The following HRH2 variants were observed in gnomAD, a reference collection of about 807,000 sequenced individuals.
HRH2 encodes the protein histamine receptor H2, also known as histamine H2 receptor.
A neutral mutation model predicts 20.1 loss-of-function variants in HRH2; 4 were observed. The ratio of observed to expected loss-of-function variants is 0.20; its 90% confidence interval spans 0.10 to 0.45. HRH2 has a LOEUF of 0.45. Among genes scored for constraint, HRH2 ranks in the 20% least tolerant of loss-of-function variants. HRH2 has a pLI of 0.99. For missense variants in HRH2, 250 were observed against 461.6 expected, an observed-to-expected ratio of 0.54 and a Z score of 4.20; for synonymous variants, 197 against 200.7, an observed-to-expected ratio of 0.98 and a Z score of 0.16.
intron 2 of HRH2, among the ~76,000 whole-genome samples, chr5:175,697,224 C>G (rs145973054): frequency 0.018 from 2,746 of 152,054 alleles, 90 homozygotes; most frequent in African/African-American, 0.062. Flanking sequence ...AGCACTTTGG[C>G]AGGCCGAGGC....
intron 1 of HRH2, among the ~76,000 whole-genome samples, chr5:175,667,212 G>A (rs561447736): frequency 4.6e-5 from 7 of 152,254 alleles, no homozygotes; most frequent in African/African-American, 1.7e-4. Flanking sequence ...GGGAGGCTGA[G>A]GCAGGCAGAT....
intron 2 of HRH2, among the ~76,000 whole-genome samples, chr5:175,705,582 T>G (rs141958401): frequency 2.0e-5 from 3 of 152,262 alleles, no homozygotes; most frequent in African/African-American, 7.2e-5. Context: ...ATGCCCAATC[T>G]TTTGTTTGTT....
At chr5:175,702,538 A>T (rs912786439) in intron 2 of HRH2, among the ~76,000 whole-genome samples, 3 of 148,740 alleles carry the variant, frequency 2.0e-5, no homozygotes, top group Non-Finnish European at 4.5e-5. Flanking sequence ...AGCAAAAAGT[A>T]TACCATCTTT....
At chr5:175,684,976 G>C (rs1225092686) in intron 2 of HRH2, among the ~76,000 whole-genome samples, 1 of 152,158 alleles carries the variant, frequency 6.6e-6, no homozygotes, top group Non-Finnish European at 1.5e-5. Flanking sequence ...AGGGCTCTGG[G>C]TACCCCTAAG....
At chr5:175,667,260 G>A (rs1274855568) in intron 1 of HRH2, among the ~76,000 whole-genome samples, 4 of 151,992 alleles carry the variant, frequency 2.6e-5, no homozygotes, top group African/African-American at 9.7e-5. Flanking sequence ...TCTGGCCAAC[G>A]TGGTGAAAAC....
At chr5:175,670,246 A>C (rs889496593) in intron 1 of HRH2, among the ~76,000 whole-genome samples, 2 of 152,170 alleles carry the variant, frequency 1.3e-5, no homozygotes, top group African/African-American at 4.8e-5. Context: ...CAGCCTGGGC[A>C]ACATAGTGAG....
chr5:175,683,134 T>C lies in HRH2; in HGVS notation c.-100T>C, dbSNP rs1437294583. On this transcript the variant is annotated 5_prime_UTR_variant, in exon 2 of 3. Coordinates refer to ENST00000636584, the MANE Select transcript of HRH2 (RefSeq NM_001367711.1). ...AAAACTGGACACATTTTGGATCTGT[T>C]GGGAGCTTGGAGTCCAGTGGTTGGC... 1 of 1,380,190 alleles carries C rather than the reference T, an allele frequency of 7.2e-7. No homozygotes were observed. The highest frequency in any genetic ancestry group is 9.8e-7 in the Non-Finnish European group (1 of 1,022,302). The allele number at this position is 1,380,190 out of a possible 1,614,324, so 85.5% of individuals were successfully genotyped here.
Position 175,683,647 on chromosome 5 carries a change from T to C in HRH2, c.414T>C (p.Ser138=). 6.2e-7 allele frequency: 1 copy of C among 1,614,162 alleles called. No individual in the cohort carries two copies. Among genetic ancestry groups the C allele is most frequent in the South Asian group, 1.1e-5 (1 of 91,080 alleles). ...VLVTPVRVAI[S]LVLIWVISIT... is the part of the protein sequence containing the mutation. ...TCACCCCAGTTCGGGTCGCCATCTC[T>C]CTGGTCTTAATTTGGGTCATCTCCA... The change falls in exon 2 of 3, where the codon TCT becomes TCC. Residue 138 remains serine (S), a synonymous_variant. Coordinates refer to ENST00000636584, the MANE Select transcript of HRH2 (RefSeq NM_001367711.1).
At position 175,683,744 on chromosome 5, in the gene HRH2, A is replaced by T. The variant is rs1445691053; in HGVS notation, c.511A>T (p.Thr171Ser). 1.2e-6 allele frequency: 2 copies of T among 1,613,876 alleles called. No homozygotes were observed. The highest frequency in any genetic ancestry group is 1.7e-6 in the Non-Finnish European group (2 of 1,180,016). The change falls in exon 2 of 3, where the codon ACC becomes TCC. Residue 171 changes from threonine to serine, a missense_variant. By Grantham distance (58) the Thr-to-Ser change is moderately conservative. Coordinates refer to ENST00000636584, the MANE Select transcript of HRH2 (RefSeq NM_001367711.1). ...CGAGACCAGCAAGGGCAATCATACC[A>T]CCTCTAAGTGCAAAGTCCAGGTCAA... ...RNETSKGNHTTSKCKVQVNEV... is the reference protein window; with the variant it reads ...RNETSKGNHTSSKCKVQVNEV...
At chr5:175,659,335 G>T (rs1169992139) in intron 1 of HRH2, among the ~76,000 whole-genome samples, 1 of 152,108 alleles carries the variant, frequency 6.6e-6, no homozygotes, top group East Asian at 1.9e-4. Context: ...GTCCCTGGAG[G>T]TTATCCAAGG....
intron 1 of HRH2, among the ~76,000 whole-genome samples, chr5:175,665,551 T>C (rs1469638150): frequency 6.6e-6 from 1 of 152,146 alleles, no homozygotes; most frequent in East Asian, 1.9e-4. Flanking sequence ...GGGTCCTGGC[T>C]ACAAGACCAC....
intron 2 of HRH2, 124 bp downstream of exon 2, chr5:175,684,433 A>T: frequency 7.4e-7 from 1 of 1,345,438 alleles, no homozygotes; most frequent in Non-Finnish European, 1.0e-6. Flanking sequence ...CTTCATGAGC[A>T]CTTTGTAAAC....
At chr5:175,678,590 G>C (rs1218717221) in intron 1 of HRH2, among the ~76,000 whole-genome samples, 1 of 152,246 alleles carries the variant, frequency 6.6e-6, no homozygotes, top group Non-Finnish European at 1.5e-5. Flanking sequence ...CACAGTGTCC[G>C]TTCTGTAGAG....
chr5:175,681,851 C>T lies in HRH2; in HGVS notation c.-525-858C>T, dbSNP rs1413990986. On this transcript the variant is annotated intron_variant, in intron 1 of 2. Coordinates refer to ENST00000636584, the MANE Select transcript of HRH2 (RefSeq NM_001367711.1). The surrounding 1 kb of genome is among the most constrained non-coding windows in gnomAD (Gnocchi z 4.3). ...TGACCTGGATGTGGGATCACGTGTT[C>T]TGCCAAGTAAGACCAGTAAGATTTA... 1.3e-5 allele frequency among the ~76,000 whole-genome samples: 2 copies of T among 152,190 alleles called. No individual in the cohort carries two copies. Among genetic ancestry groups the T allele is most frequent in the East Asian group, 1.9e-4 (1 of 5,192 alleles).
Position 175,683,467 on chromosome 5 carries a change from C to T in HRH2, c.234C>T (p.Tyr78=). ...GLLVLPFSAI[Y]QLSCKWSFGK... is the part of the protein sequence containing the mutation. Reference sequence around the variant, plus strand: ...TGGTGCTGCCCTTCTCTGCCATCTACCAGCTGTCCTGCAAGTGGAGCTTTG... The same window carrying T: ...TGGTGCTGCCCTTCTCTGCCATCTATCAGCTGTCCTGCAAGTGGAGCTTTG... The change falls in exon 2 of 3, where the codon TAC becomes TAT. Residue 78 remains tyrosine (Y), a synonymous_variant. Transcript: ENST00000636584. 3.7e-6 allele frequency: 6 copies of T among 1,614,188 alleles called. No individual in the cohort carries two copies. Among genetic ancestry groups the T allele is most frequent in the Non-Finnish European group, 5.1e-6 (6 of 1,180,036 alleles).
In HRH2 at chr5:175,687,460, G is replaced by T. The variant is rs1756211743; in HGVS notation, c.1076+3151G>T. On this transcript the variant is annotated intron_variant, in intron 2 of 2. Coordinates refer to ENST00000636584, the MANE Select transcript of HRH2 (RefSeq NM_001367711.1). The surrounding 1 kb of genome is among the most constrained non-coding windows in gnomAD (Gnocchi z 5.2). ...GGGTGGGGGCACCGTCGGCCAAGGG[G>T]TGACTCCAGAAGATAGAGTGGCCAA... Among the ~76,000 whole-genome samples, 1 of 152,190 alleles carries T rather than the reference G, an allele frequency of 6.6e-6. No homozygotes were observed. Among genetic ancestry groups the T allele is most frequent in the Non-Finnish European group, 1.5e-5 (1 of 68,032 alleles).
chr5:175,690,945 TC>T (rs1360660686), intron 2 of HRH2, among the ~76,000 whole-genome samples: 6 of 152,224 alleles, frequency 3.9e-5, no homozygotes, highest in African/African-American at 1.4e-4. Flanking sequence ...CTTTCTTCCA[TC>T]CTTTTTGCTG....
chr5:175,679,047 G>A (rs1372453624), intron 1 of HRH2, among the ~76,000 whole-genome samples: 1 of 152,164 alleles, frequency 6.6e-6, no homozygotes, highest in African/African-American at 2.4e-5. Flanking sequence ...GTGAGAGGGA[G>A]GCTGTGGCAT....
chr5:175,678,984 T>C (rs537230390), intron 1 of HRH2, among the ~76,000 whole-genome samples: 4 of 152,344 alleles, frequency 2.6e-5, no homozygotes, highest in Admixed American at 1.3e-4. Context: ...TCTGGTTTTC[T>C]AACTGCATGC....
Sources: allele counts gnomAD v4.1 joint callset (sites outside exome capture counted in the v4.1 genomes callset), GRCh38; gene constraint gnomAD v4.1.1; non-coding constraint Gnocchi (gnomAD v3.1); transcripts MANE v1.5; gene names NCBI Gene and HGNC (gene_info 2026-07-23, HGNC 2026-07-21).